HEMK2: variants seen among roughly 807,000 people sequenced by gnomAD.
The protein encoded by HEMK2 is methyltransferase HEMK2.
At chr21:28,622,136 GGATACAAAATCAA>G in the HEMK2 span, among the ~76,000 whole-genome samples, 1 of 152,120 alleles carries the variant, frequency 6.6e-6, no homozygotes, top group South Asian at 2.1e-4. Context: ...CAAAGTCTCA[GGATACAAAATCAA>G]TGTGCAAAAA....
the HEMK2 span, among the ~76,000 whole-genome samples, chr21:28,603,972 G>A: frequency 8.5e-5 from 13 of 152,322 alleles, no homozygotes; most frequent in South Asian, 4.1e-4. Flanking sequence ...CAAGCTCTGC[G>A]TACTCATCTG....
chr21:28,733,834 C>T, the HEMK2 span, among the ~76,000 whole-genome samples: 3 of 103,978 alleles, frequency 2.9e-5, no homozygotes, highest in African/African-American at 1.4e-4. Flanking sequence ...CCCATTAACT[C>T]GTCACTGTTT....
chr21:28,620,660 C>CTTTTTTTTTTTTTTTTTTTT, the HEMK2 span, among the ~76,000 whole-genome samples: 135 of 49,648 alleles, frequency 2.7e-3, 32 homozygotes, highest in East Asian at 3.7e-3. Context: ...TCTCTCTTTT[C>CTTTTTTTTTTTTTTTTTTTT]TTTTTTTTTT....
the HEMK2 span, among the ~76,000 whole-genome samples, chr21:28,654,362 T>A: frequency 6.6e-6 from 1 of 152,182 alleles, no homozygotes; most frequent in African/African-American, 2.4e-5. Flanking sequence ...CTTTCATGGT[T>A]ATCTCCAGCA....
At chr21:28,658,142 C>T in the HEMK2 span, among the ~76,000 whole-genome samples, 10 of 152,108 alleles carry the variant, frequency 6.6e-5, no homozygotes, top group East Asian at 1.9e-3. Context: ...CTCAACTAAT[C>T]TCTGTATGGT....
chr21:28,668,333 T>G, the HEMK2 span, among the ~76,000 whole-genome samples: 1 of 152,154 alleles, frequency 6.6e-6, no homozygotes, highest in Non-Finnish European at 1.5e-5. Flanking sequence ...CAACTGAAAT[T>G]TGTTTGTCAC....
At chr21:28,584,898 T>C in the HEMK2 span, among the ~76,000 whole-genome samples, 224 of 152,066 alleles carry the variant, frequency 1.5e-3, 1 homozygote, top group African/African-American at 5.1e-3. Flanking sequence ...ATGTCTACTA[T>C]GTACCAAAGA....
the HEMK2 span, among the ~76,000 whole-genome samples, chr21:28,592,199 C>T: frequency 6.6e-6 from 1 of 152,178 alleles, no homozygotes; most frequent in Non-Finnish European, 1.5e-5. Context: ...TCTCCACAAC[C>T]TCACCAGCAC....
chr21:28,839,813 A>G, the HEMK2 span, among the ~76,000 whole-genome samples: 1 of 152,182 alleles, frequency 6.6e-6, no homozygotes, highest in Non-Finnish European at 1.5e-5. Flanking sequence ...TACAAATTCA[A>G]TGCAATCCCC....
chr21:28,870,271 C>T, the HEMK2 span, among the ~76,000 whole-genome samples: 1 of 152,252 alleles, frequency 6.6e-6, no homozygotes, highest in African/African-American at 2.4e-5. Flanking sequence ...CAGTTCCCCC[C>T]AATTATTTGC....
chr21:28,643,763 A>C, the HEMK2 span, among the ~76,000 whole-genome samples: 1 of 152,198 alleles, frequency 6.6e-6, no homozygotes, highest in African/African-American at 2.4e-5. Context: ...GTTGTTTATA[A>C]GCTATCCAGT....
chr21:28,710,820 C>T, the HEMK2 span, among the ~76,000 whole-genome samples: 1 of 152,176 alleles, frequency 6.6e-6, no homozygotes, highest in Non-Finnish European at 1.5e-5. Flanking sequence ...TTTTTTAAAA[C>T]TTCAGAAAAC....
chr21:28,596,380 CT>C, the HEMK2 span, among the ~76,000 whole-genome samples: 1 of 152,116 alleles, frequency 6.6e-6, no homozygotes, highest in African/African-American at 2.4e-5. Context: ...GCAAATCTTT[CT>C]CATAAATTTT....
chr21:28,807,335 A>C, the HEMK2 span, among the ~76,000 whole-genome samples: 6 of 152,284 alleles, frequency 3.9e-5, no homozygotes, highest in East Asian at 1.2e-3. Context: ...CTGCCTACCC[A>C]CCATATCCAA....
chr21:28,838,866 G>T, the HEMK2 span, among the ~76,000 whole-genome samples: 1 of 145,154 alleles, frequency 6.9e-6, no homozygotes, highest in South Asian at 2.2e-4. Flanking sequence ...TTGAACCTGG[G>T]AGGCAGAGGT....
the HEMK2 span, among the ~76,000 whole-genome samples, chr21:28,672,925 T>A: frequency 7.0e-6 from 1 of 143,112 alleles, no homozygotes; most frequent in Non-Finnish European, 1.5e-5. Flanking sequence ...TCCTTCTACA[T>A]GATAAACGCA....
the HEMK2 span, among the ~76,000 whole-genome samples, chr21:28,691,892 T>C: frequency 6.6e-6 from 1 of 152,212 alleles, no homozygotes; most frequent in African/African-American, 2.4e-5. Context: ...GAAAATAATA[T>C]GCATTTTCAC....
the HEMK2 span, among the ~76,000 whole-genome samples, chr21:28,655,685 T>C: frequency 2.0e-5 from 3 of 152,038 alleles, no homozygotes; most frequent in Non-Finnish European, 4.4e-5. Flanking sequence ...CATAGGATTG[T>C]GGTGTGAATT....
chr21:28,805,588 C>T, the HEMK2 span, among the ~76,000 whole-genome samples: 1 of 152,198 alleles, frequency 6.6e-6, no homozygotes, highest in African/African-American at 2.4e-5. Flanking sequence ...AAAGCAGTAT[C>T]AGAGTATGTT....
Sources: allele counts gnomAD v4.1 joint callset (sites outside exome capture counted in the v4.1 genomes callset), GRCh38; gene constraint gnomAD v4.1.1; transcripts MANE v1.5; gene names NCBI Gene and HGNC (gene_info 2026-07-23, HGNC 2026-07-21).